Variants in UNC5D observed in about 807,000 individuals in gnomAD.
The protein encoded by UNC5D is netrin receptor UNC5D.
UNC5D carries 39 observed loss-of-function variants against 105.4 expected under a neutral mutation model. The ratio of observed to expected loss-of-function variants is 0.37; its 90% CI spans 0.29 to 0.48. The LOEUF (loss-of-function observed/expected upper bound fraction) is 0.48, where lower values mean the gene tolerates loss of function less well. Among genes scored for constraint, UNC5D ranks in the 20% least tolerant of loss-of-function variants. The pLI is 0.98. For missense variants in UNC5D, 991 were observed against 1,202.4 expected (o/e 0.82, Z 2.60); for synonymous variants, 452 against 450.4 (o/e 1.00, Z -0.04).
intron 11 of UNC5D, among the ~76,000 whole-genome samples, chr8:35,738,852 C>T (rs1364111564): frequency 3.3e-5 from 5 of 152,168 alleles, no homozygotes; most frequent in African/African-American, 1.2e-4. Flanking sequence ...GTGAATCGTC[C>T]ATGTCATCAT....
At chr8:35,598,513 G>A (rs1416240622) in intron 4 of UNC5D, among the ~76,000 whole-genome samples, 1 of 152,106 alleles carries the variant, frequency 6.6e-6, no homozygotes, top group Non-Finnish European at 1.5e-5. Flanking sequence ...GTTAAAAGTA[G>A]AGCTACCACT....
intron 1 of UNC5D, among the ~76,000 whole-genome samples, chr8:35,240,472 A>G (rs1396865881): frequency 2.0e-5 from 3 of 152,184 alleles, no homozygotes; most frequent in African/African-American, 7.2e-5. Context: ...TACTTACTTC[A>G]TGTGTGAGAG....
At chr8:35,662,943 G>A (rs1428332145) in intron 4 of UNC5D, among the ~76,000 whole-genome samples, 4 of 152,178 alleles carry the variant, frequency 2.6e-5, no homozygotes, top group East Asian at 1.9e-4. Context: ...TGTGAACTGC[G>A]TATGCGAGGG....
At chr8:35,677,511 G>A (rs1160599535) in intron 4 of UNC5D, among the ~76,000 whole-genome samples, 1 of 151,848 alleles carries the variant, frequency 6.6e-6, no homozygotes, top group Non-Finnish European at 1.5e-5. Flanking sequence ...CTACATTAGG[G>A]GCACTTAGCT....
chr8:35,572,053 G>A (rs34455656), intron 3 of UNC5D, among the ~76,000 whole-genome samples: 5 of 152,032 alleles, frequency 3.3e-5, no homozygotes, highest in African/African-American at 9.7e-5. Flanking sequence ...TTGGAAGGCC[G>A]AGGCAGGTGG....
At chr8:35,428,897 G>T (rs569040048) in intron 1 of UNC5D, among the ~76,000 whole-genome samples, 1 of 151,928 alleles carries the variant, frequency 6.6e-6, no homozygotes, top group Non-Finnish European at 1.5e-5. Flanking sequence ...TAAACAAGCA[G>T]AAGAAAATCA....
chr8:35,395,381 A>T (rs1804030446), intron 1 of UNC5D, among the ~76,000 whole-genome samples: 1 of 152,214 alleles, frequency 6.6e-6, no homozygotes, highest in Non-Finnish European at 1.5e-5. Flanking sequence ...GCTACCTGCA[A>T]ATCTGATAGG....
chr8:35,263,223 C>T (rs1275717600), intron 1 of UNC5D, among the ~76,000 whole-genome samples: 1 of 152,192 alleles, frequency 6.6e-6, no homozygotes, highest in Non-Finnish European at 1.5e-5. Flanking sequence ...TCTAATAATT[C>T]CTCTGAATAG....
intron 1 of UNC5D, among the ~76,000 whole-genome samples, chr8:35,349,594 CATT>C (rs1157318557): frequency 6.6e-6 from 1 of 151,894 alleles, no homozygotes; most frequent in South Asian, 2.1e-4. Context: ...ATTATAGTCT[CATT>C]ATTTATTTTG....
At chr8:35,308,952 AAC>A (rs1273528734) in intron 1 of UNC5D, among the ~76,000 whole-genome samples, 1 of 152,180 alleles carries the variant, frequency 6.6e-6, no homozygotes, top group African/African-American at 2.4e-5. Context: ...AGCTTGTGTC[AAC>A]TGGTAAAAGG....
chr8:35,768,729 C>T (rs1327203803), intron 15 of UNC5D, among the ~76,000 whole-genome samples: 1 of 152,186 alleles, frequency 6.6e-6, no homozygotes, highest in Non-Finnish European at 1.5e-5. Context: ...AGCTAATAAA[C>T]ACAACCTTAT....
At chr8:35,708,149 A>G (rs1370560249) in intron 8 of UNC5D, among the ~76,000 whole-genome samples, 1 of 152,220 alleles carries the variant, frequency 6.6e-6, no homozygotes, top group Non-Finnish European at 1.5e-5. Flanking sequence ...ATGATCTTCC[A>G]TAAGGCCTGG....
intron 3 of UNC5D, among the ~76,000 whole-genome samples, chr8:35,586,845 G>C (rs553066897): frequency 8.2e-4 from 125 of 152,218 alleles, no homozygotes; most frequent in African/African-American, 2.7e-3. Context: ...CCAGAACATT[G>C]AATGAGCCGA....
rs1446850540 is a variant in UNC5D, at chr8:35,530,440, C to T, written c.104-18852C>T. Among the ~76,000 whole-genome samples, 458 of 67,256 alleles carry T rather than the reference C, an allele frequency of 6.8e-3. 11 individuals carry two copies. The highest frequency in any genetic ancestry group is 0.028 in the African/African-American group (426 of 15,126). The allele number at this position is 67,256 out of a possible 152,430, so 44.1% of individuals were successfully genotyped here. A position where few individuals can be genotyped will look rare whatever the true frequency, so the allele number is the denominator to read the frequency against. Reference sequence around the variant, plus strand: ...AAGCTTTTTGATGTGCTGCTGGATTCGTTTTGCCAGTATTTTATTGAGGAT... The same window carrying T: ...AAGCTTTTTGATGTGCTGCTGGATTTGTTTTGCCAGTATTTTATTGAGGAT... On this transcript the variant is annotated intron_variant, in intron 1 of 16. Transcript: ENST00000404895.
intron 1 of UNC5D, among the ~76,000 whole-genome samples, chr8:35,489,498 C>T (rs189657102): frequency 3.9e-5 from 6 of 152,080 alleles, no homozygotes; most frequent in African/African-American, 1.2e-4. Flanking sequence ...TGTCCTTATA[C>T]GAATAGAAAT....
intron 16 of UNC5D, among the ~76,000 whole-genome samples, chr8:35,788,445 T>C (rs571632493): frequency 9.6e-4 from 146 of 152,288 alleles, no homozygotes; most frequent in Middle Eastern, 3.4e-3. Flanking sequence ...TGAAGAACAG[T>C]GACCTGTAAT....
At chr8:35,387,893 A>G (rs1455633090) in intron 1 of UNC5D, among the ~76,000 whole-genome samples, 1 of 152,230 alleles carries the variant, frequency 6.6e-6, no homozygotes, top group African/African-American at 2.4e-5. Context: ...AGTGGTGTGT[A>G]AATGAATACT....
At chr8:35,637,405 C>T (rs1334980230) in intron 4 of UNC5D, among the ~76,000 whole-genome samples, 1 of 152,160 alleles carries the variant, frequency 6.6e-6, no homozygotes, top group African/African-American at 2.4e-5. Context: ...TTTTACTTCA[C>T]CTCCCATCTA....
At chr8:35,327,857 G>C (rs189850981) in intron 1 of UNC5D, among the ~76,000 whole-genome samples, 2 of 152,140 alleles carry the variant, frequency 1.3e-5, no homozygotes, top group African/African-American at 2.4e-5. Flanking sequence ...CCAGAGATTC[G>C]GATGTTTGAG....
Sources: allele counts gnomAD v4.1 joint callset (sites outside exome capture counted in the v4.1 genomes callset), GRCh38; gene constraint gnomAD v4.1.1; transcripts MANE v1.5; gene names NCBI Gene and HGNC (gene_info 2026-07-23, HGNC 2026-07-21).